Variants in KBTBD8 observed in about 807,000 individuals in gnomAD.
The protein encoded by KBTBD8 is kelch repeat and BTB domain containing 8.
KBTBD8 carries 31 observed loss-of-function variants against 53.5 expected under a neutral mutation model. The observed-to-expected ratio is 0.58, with a 90% confidence interval of 0.44 to 0.78. The LOEUF is 0.78. Ranked by LOEUF, KBTBD8 falls within the 30% of genes least tolerant of loss-of-function variation. The probability of loss-of-function intolerance (pLI) is 0.00; values close to 1 mark genes in which losing one functional copy is unlikely to be tolerated. For missense variants in KBTBD8, 642 were observed against 735.8 expected (o/e 0.87, Z 1.48); for synonymous variants, 250 against 247.3 (o/e 1.01, Z -0.10).
chr3:67,008,400 T>G lies in KBTBD8; in HGVS notation c.*15T>G. ...AAGTACTCTAAATGAGTAGCAGGCC[T>G]TAGTGCATCACTGGCATCTCATTCT... On this transcript the variant is annotated 3_prime_UTR_variant, in exon 4 of 4. Coordinates refer to ENST00000417314, the MANE Select transcript of KBTBD8 (RefSeq NM_032505.3). The G allele has an allele frequency of 6.6e-7, 1 of 1,518,886 alleles. No homozygotes were observed. Among genetic ancestry groups the G allele is most frequent in the Non-Finnish European group, 9.1e-7 (1 of 1,103,258 alleles). The allele number at this position is 1,518,886 out of a possible 1,614,324, so 94.1% of individuals were successfully genotyped here. A position where few individuals can be genotyped will look rare whatever the true frequency, so the allele number is the denominator to read the frequency against.
In KBTBD8 at chr3:67,003,468, C is replaced by T. The variant is rs537998197; in HGVS notation, c.501C>T (p.Leu167=). The change falls in exon 3 of 4, where the codon CTC becomes CTT. Residue 167 remains leucine, a synonymous_variant. Coordinates refer to ENST00000417314, the MANE Select transcript of KBTBD8 (RefSeq NM_032505.3). ...IFADHYGHQE[L]GDRSKEYIRK... ...CTGATCATTATGGTCATCAGGAACTCGGAGATCGATCAAAAGAATACATTC... is the reference window on the plus strand; with the variant it reads ...CTGATCATTATGGTCATCAGGAACTTGGAGATCGATCAAAAGAATACATTC... 1.2e-5 allele frequency: 19 copies of T among 1,613,952 alleles called. No individual in the cohort carries two copies. Among genetic ancestry groups the T allele is most frequent in the African/African-American group, 4.0e-5 (3 of 74,890 alleles).
rs1406402488 is a variant in KBTBD8, at chr3:67,009,120, T to C, written c.*735T>C. 1.3e-5 allele frequency: 2 copies of C among 152,658 alleles called. No homozygotes were observed. Among genetic ancestry groups the C allele is most frequent in the East Asian group, 3.8e-4 (2 of 5,198 alleles). The allele number at this position is 152,658 out of a possible 1,614,324, so 9.5% of individuals were successfully genotyped here. A position where few individuals can be genotyped will look rare whatever the true frequency, so the allele number is the denominator to read the frequency against. ...GGTGGCTGGTGCTAGTCTAACTTAA[T>C]TCATGTGTATAACTAGATGGATTTA... On this transcript the variant is annotated 3_prime_UTR_variant, in exon 4 of 4. Transcript: ENST00000417314.
Position 67,004,252 on chromosome 3 carries a change from G to A in KBTBD8, c.1285G>A (p.Val429Ile), listed in dbSNP as rs200154197. 7 of 1,614,194 alleles carry A rather than the reference G, an allele frequency of 4.3e-6. No individual in the cohort carries two copies. Among genetic ancestry groups the A allele is most frequent in the African/African-American group, 1.3e-5 (1 of 75,040 alleles). ...TTGGACGACTGTTTGCGCGATGCCA[G>A]TTGCAATGGAATTTCATAATGCTGT... The part of the protein sequence containing the change: ...NCWTTVCAMP[V>I]AMEFHNAVEY... Residue 429 changes from valine (V) to isoleucine (I), a missense_variant, in exon 3 of 4, where the codon GTT (valine) becomes ATT (isoleucine). Val to Ile is a conservative substitution (Grantham distance 29, BLOSUM62 3). Transcript: ENST00000417314.
At position 66,998,336 on chromosome 3, in the gene KBTBD8, A is replaced by T; in HGVS notation, c.-20A>T. On this transcript the variant is annotated 5_prime_UTR_variant, in exon 1 of 4. Coordinates refer to ENST00000417314, the MANE Select transcript of KBTBD8 (RefSeq NM_032505.3). ...TGACATTTCCTTTTTAAATAGCTGG[A>T]GTCGGGGCCCCATCGAGAAATGGCC... is the stretch of plus-strand genomic sequence containing the variant. 1.5e-6 allele frequency: 2 copies of T among 1,295,512 alleles called. No homozygotes were observed. The highest frequency in any genetic ancestry group is 2.0e-6 in the Non-Finnish European group (2 of 1,013,828). 80.3% of individuals were successfully genotyped at this position (1,295,512 alleles called of 1,614,324 possible). A position where few individuals can be genotyped will look rare whatever the true frequency, so the allele number is the denominator to read the frequency against.
Position 67,011,118 on chromosome 3 carries a change from G to A in KBTBD8, c.*2733G>A, listed in dbSNP as rs1444416094. On this transcript the variant is annotated 3_prime_UTR_variant, in exon 4 of 4. Transcript: ENST00000417314. ...GTAGTCCTGTGGGGGCAAATGTGTA[G>A]ATATTTTTAAACATTTTGCCATAAT... is the stretch of plus-strand genomic sequence containing the variant. The A allele has an allele frequency of 7.9e-5, 12 of 152,546 alleles. No individual in the cohort carries two copies. The highest frequency in any genetic ancestry group is 7.9e-4 in the Admixed American group (12 of 15,276). 9.4% of individuals were successfully genotyped at this position (152,546 alleles called of 1,614,324 possible). A position where few individuals can be genotyped will look rare whatever the true frequency, so the allele number is the denominator to read the frequency against.
intron 3 of KBTBD8, among the ~76,000 whole-genome samples, chr3:67,005,454 T>C (rs561977249): frequency 1.3e-5 from 2 of 152,348 alleles, no homozygotes; most frequent in East Asian, 3.9e-4. Context: ...TACAGTCACA[T>C]GCTGTACAGT....
intron 2 of KBTBD8, among the ~76,000 whole-genome samples, chr3:67,002,526 T>TG (rs1017292165): frequency 6.3e-5 from 9 of 143,484 alleles, no homozygotes; most frequent in Non-Finnish European, 1.4e-4. Flanking sequence ...TTTTTTTTTT[T>TG]TTTTTTTTGA....
At chr3:67,001,285 T>A (rs1485882864) in intron 2 of KBTBD8, among the ~76,000 whole-genome samples, 2 of 152,216 alleles carry the variant, frequency 1.3e-5, no homozygotes, top group African/African-American at 2.4e-5. Flanking sequence ...TGTTTCTACG[T>A]CTTGCATCAC....
Position 67,003,946 on chromosome 3 carries a change from G to A in KBTBD8, c.979G>A (p.Val327Ile), listed in dbSNP as rs759393249. ...CAAACCACCAAATGACCTGAGAGAA[G>A]TTGGGATTCTTGTATCACCAGATAA... is the stretch of plus-strand genomic sequence containing the variant. ...LCKPPNDLRE[V>I]GILVSPDNDI... The change falls in exon 3 of 4, where the codon GTT (valine) becomes ATT (isoleucine). Residue 327 changes from valine to isoleucine, a missense_variant. By Grantham distance (29) the Val-to-Ile change is conservative. Coordinates refer to ENST00000417314, the MANE Select transcript of KBTBD8 (RefSeq NM_032505.3). 22 of 1,613,988 alleles carry A rather than the reference G, an allele frequency of 1.4e-5. No individual in the cohort carries two copies. Among genetic ancestry groups the A allele is most frequent in the African/African-American group, 8.0e-5 (6 of 74,926 alleles).
Position 67,003,691 on chromosome 3 carries a change from T to C in KBTBD8, c.724T>C (p.Phe242Leu), listed in dbSNP as rs148305806. 1.7e-4 allele frequency: 270 copies of C among 1,614,048 alleles called. No individual in the cohort carries two copies. Among genetic ancestry groups the C allele is most frequent in the Non-Finnish European group, 2.2e-4 (264 of 1,180,038 alleles). The change falls in exon 3 of 4, where the codon TTT becomes CTT. Residue 242 changes from phenylalanine (F) to leucine (L), a missense_variant. Phe to Leu is a conservative substitution (Grantham distance 22). Transcript: ENST00000417314. The part of the protein sequence containing the change: ...LPEIFAKCIR[F>L]PLMEDTFIEK... The stretch of plus-strand genomic sequence containing the variant: ...AGAAATTTTTGCTAAATGCATACGT[T>C]TTCCTCTGATGGAAGATACCTTTAT...
At chr3:67,001,210 T>C (rs924529656) in intron 2 of KBTBD8, among the ~76,000 whole-genome samples, 1 of 152,186 alleles carries the variant, frequency 6.6e-6, no homozygotes, top group Non-Finnish European at 1.5e-5. Flanking sequence ...TGCTAGAGGT[T>C]TTTGTACTGA....
At position 67,008,157 on chromosome 3, in the gene KBTBD8, A is replaced by G. The variant is rs757253028; in HGVS notation, c.1578A>G (p.Lys526=). The stretch of plus-strand genomic sequence containing the variant: ...ATCAGTCCATAAATCCATACCTTAA[A>G]CTGGTACTTTTCCAGAACAAACTCC... ...PCDQSINPYL[K]LVLFQNKLHL... is the part of the protein sequence containing the mutation. The change falls in exon 4 of 4, where the codon AAA becomes AAG. Residue 526 remains lysine (K), a synonymous_variant. Coordinates refer to ENST00000417314, the MANE Select transcript of KBTBD8 (RefSeq NM_032505.3). 8.7e-6 allele frequency: 14 copies of G among 1,614,046 alleles called. No homozygotes were observed. Among genetic ancestry groups the G allele is most frequent in the Non-Finnish European group, 1.2e-5 (14 of 1,179,960 alleles).
At chr3:67,000,310 C>T (rs908531167) in intron 2 of KBTBD8, among the ~76,000 whole-genome samples, 3 of 152,134 alleles carry the variant, frequency 2.0e-5, no homozygotes, top group African/African-American at 7.2e-5. Context: ...AAAAAACTCA[C>T]ATATGCAGAA....
intron 3 of KBTBD8, among the ~76,000 whole-genome samples, chr3:67,006,885 CTATAATTAGCAAAACTATT>C (rs1474837258): frequency 6.6e-6 from 1 of 152,140 alleles, no homozygotes; most frequent in Non-Finnish European, 1.5e-5. Context: ...TAAACAAATG[CTATAATTAGCAAAACTATT>C]GTAAATCTTC....
rs761079443 is a variant in KBTBD8 at position 67,003,160 on chromosome 3, C to T, written c.228-35C>T. On this transcript the variant is annotated intron_variant, in intron 2 of 3. Coordinates refer to ENST00000417314, the MANE Select transcript of KBTBD8 (RefSeq NM_032505.3). ...TTGCCACAATAATTTTGATTTATAG[C>T]ACACGTGTAATATTAACCACTCTTT... The T allele has an allele frequency of 2.0e-5, 31 of 1,570,004 alleles. No homozygotes were observed. In the South Asian group the frequency reaches 3.4e-4, roughly 17 times the overall value.
rs1012768729 is a variant in KBTBD8, at chr3:67,004,373, T to C, written c.1342+64T>C. 1.2e-5 allele frequency: 18 copies of C among 1,467,440 alleles called. No individual in the cohort carries two copies. In the Admixed American group the frequency reaches 1.5e-4, roughly 12 times the overall value. The allele number at this position is 1,467,440 out of a possible 1,614,324, so 90.9% of individuals were successfully genotyped here. A position where few individuals can be genotyped will look rare whatever the true frequency, so the allele number is the denominator to read the frequency against. On this transcript the variant is annotated intron_variant, in intron 3 of 3. Coordinates refer to ENST00000417314, the MANE Select transcript of KBTBD8 (RefSeq NM_032505.3). ...ACACATCAAGTGGTGGTTTACTTAA[T>C]TATACTGAAACAGTTGTGTTCCCGT...
At chr3:67,004,895 C>G (rs1162626010) in intron 3 of KBTBD8, among the ~76,000 whole-genome samples, 1 of 152,114 alleles carries the variant, frequency 6.6e-6, no homozygotes, top group Admixed American at 6.5e-5. Flanking sequence ...TTTATGTTGC[C>G]TTTCATAATA....
At chr3:67,003,100 G>T (rs1702031374) in intron 2 of KBTBD8, 95 bp from the exon 3 acceptor site, 1 of 1,243,662 alleles carries the variant, frequency 8.0e-7, no homozygotes, top group Middle Eastern at 2.0e-4. Flanking sequence ...TGTTTCAAAA[G>T]GTTATCTTTG....
rs1410738213 is a variant in KBTBD8, at chr3:67,009,591, C to T, written c.*1206C>T. On this transcript the variant is annotated 3_prime_UTR_variant, in exon 4 of 4. Transcript: ENST00000417314. ...ATACTTTTACGTTGGAATCCTCCTT[C>T]TAGCTGAAGGTGATTGAAAAGGAAA... 1 of 152,444 alleles carries T rather than the reference C, an allele frequency of 6.6e-6. No homozygotes were observed. The highest frequency in any genetic ancestry group is 1.5e-5 in the Non-Finnish European group (1 of 67,970). 9.4% of individuals were successfully genotyped at this position (152,444 alleles called of 1,614,324 possible).
Sources: gnomAD v4.1 joint callset for allele counts (sites outside exome capture counted in the v4.1 genomes callset) on GRCh38, gnomAD v4.1.1 for gene constraint, MANE v1.5 for transcripts, NCBI Gene and HGNC (gene_info 2026-07-23, HGNC 2026-07-21) for gene names.